Variants in QTMAN observed in about 807,000 individuals in gnomAD.
QTMAN encodes queuosine-tRNA mannosyltransferase.
At chr2:144,032,107 G>A in the QTMAN span, among the ~76,000 whole-genome samples, 2 of 152,090 alleles carry the variant, frequency 1.3e-5, no homozygotes, top group Admixed American at 6.5e-5. Context: ...TTTTTAAGAT[G>A]TTGCAAGGCA....
chr2:144,022,689 A>T, the QTMAN span, among the ~76,000 whole-genome samples: 1 of 149,266 alleles, frequency 6.7e-6, no homozygotes, highest in Non-Finnish European at 1.5e-5. Context: ...TCAGCCTCCC[A>T]AGTAGCTGGG....
the QTMAN span, among the ~76,000 whole-genome samples, chr2:144,120,506 A>T: frequency 6.6e-6 from 1 of 152,244 alleles, no homozygotes; most frequent in Non-Finnish European, 1.5e-5. Flanking sequence ...ATAAATTATA[A>T]GCTAAAATTA....
At chr2:143,968,584 T>C in the QTMAN span, among the ~76,000 whole-genome samples, 1 of 152,184 alleles carries the variant, frequency 6.6e-6, no homozygotes, top group African/African-American at 2.4e-5. Flanking sequence ...AACCGAGTCT[T>C]CTTTGTAGTG....
At chr2:143,989,354 T>A in the QTMAN span, among the ~76,000 whole-genome samples, 1 of 152,286 alleles carries the variant, frequency 6.6e-6, no homozygotes, top group African/African-American at 2.4e-5. Flanking sequence ...TTTGTTTTAT[T>A]TAACTCCCAA....
chr2:144,135,892 T>C, the QTMAN span, among the ~76,000 whole-genome samples: 2 of 152,180 alleles, frequency 1.3e-5, no homozygotes, highest in African/African-American at 4.8e-5. Context: ...CAACAAGAAA[T>C]GTCTTTCAGA....
At chr2:144,196,401 C>G in the QTMAN span, among the ~76,000 whole-genome samples, 1 of 152,130 alleles carries the variant, frequency 6.6e-6, no homozygotes, top group Non-Finnish European at 1.5e-5. Context: ...ACCACCAAAA[C>G]AGTCTGAATA....
chr2:144,329,409 G>A, the QTMAN span, among the ~76,000 whole-genome samples: 1 of 152,110 alleles, frequency 6.6e-6, no homozygotes, highest in Non-Finnish European at 1.5e-5. Flanking sequence ...GGGACAATTT[G>A]CCAAGGTAGT....
the QTMAN span, among the ~76,000 whole-genome samples, chr2:144,161,319 T>C: frequency 6.6e-6 from 1 of 152,218 alleles, no homozygotes; most frequent in East Asian, 1.9e-4. Flanking sequence ...GTGGCTGTCT[T>C]GTTCCAGTAC....
At chr2:143,962,713 T>G in the QTMAN span, among the ~76,000 whole-genome samples, 1 of 152,124 alleles carries the variant, frequency 6.6e-6, no homozygotes, top group Non-Finnish European at 1.5e-5. Context: ...GAATAGGATC[T>G]TAGTTACCTG....
the QTMAN span, among the ~76,000 whole-genome samples, chr2:144,186,954 A>G: frequency 6.6e-6 from 1 of 152,350 alleles, no homozygotes; most frequent in South Asian, 2.1e-4. Context: ...CTCTAAAGCC[A>G]TAACTGTGTT....
At chr2:144,005,308 C>T in the QTMAN span, among the ~76,000 whole-genome samples, 1 of 152,056 alleles carries the variant, frequency 6.6e-6, no homozygotes, top group African/African-American at 2.4e-5. Flanking sequence ...GAACAAATAT[C>T]GAATGTCAAC....
At chr2:144,135,971 A>G in the QTMAN span, among the ~76,000 whole-genome samples, 62,282 of 151,904 alleles carry the variant, frequency 0.41, 13,725 homozygotes, top group East Asian at 0.58. Flanking sequence ...GCATAGAGTA[A>G]TAATCAATAA....
the QTMAN span, among the ~76,000 whole-genome samples, chr2:144,318,387 T>A: frequency 6.6e-6 from 1 of 152,310 alleles, no homozygotes; most frequent in East Asian, 1.9e-4. Flanking sequence ...AGTTTTAGAA[T>A]CCAGAACATC....
chr2:144,332,933 C>A, the QTMAN span, among the ~76,000 whole-genome samples: 1 of 152,202 alleles, frequency 6.6e-6, no homozygotes, highest in African/African-American at 2.4e-5. Flanking sequence ...TCGGATTCCC[C>A]GTGCAGTTTT....
the QTMAN span, among the ~76,000 whole-genome samples, chr2:143,981,247 AGAAT>A: frequency 4.6e-5 from 7 of 152,244 alleles, no homozygotes; most frequent in Non-Finnish European, 1.0e-4. Context: ...ATACGGCTTT[AGAAT>A]GAATGAATGA....
chr2:144,228,225 G>A, the QTMAN span, among the ~76,000 whole-genome samples: 25 of 152,212 alleles, frequency 1.6e-4, no homozygotes, highest in Admixed American at 1.6e-3. Flanking sequence ...ACTACTTGGA[G>A]CCAGAGGCAT....
the QTMAN span, among the ~76,000 whole-genome samples, chr2:144,254,313 T>C: frequency 6.6e-6 from 1 of 151,988 alleles, no homozygotes; most frequent in Non-Finnish European, 1.5e-5. Context: ...TCCCAGCTAC[T>C]TGGGAGGCTG....
the QTMAN span, among the ~76,000 whole-genome samples, chr2:143,956,630 C>T: frequency 0.056 from 8,457 of 152,182 alleles, 317 homozygotes; most frequent in East Asian, 0.16. Flanking sequence ...TTAGCAGCTA[C>T]TCCCATCCAC....
At chr2:144,080,373 C>T in the QTMAN span, among the ~76,000 whole-genome samples, 1 of 152,110 alleles carries the variant, frequency 6.6e-6, no homozygotes, top group African/African-American at 2.4e-5. Flanking sequence ...GGAGGCATAA[C>T]TCCAAAGAAG....
Sources: gnomAD v4.1 joint callset for allele counts (sites outside exome capture counted in the v4.1 genomes callset) on GRCh38, gnomAD v4.1.1 for gene constraint, MANE v1.5 for transcripts, NCBI Gene and HGNC (gene_info 2026-07-23, HGNC 2026-07-21) for gene names.